The following UBE2Q2 variants were observed in gnomAD, a reference collection of about 807,000 sequenced individuals.
UBE2Q2 encodes the protein ubiquitin-conjugating enzyme E2 Q2.
UBE2Q2 carries 54 observed loss-of-function variants against 59.9 expected under a neutral mutation model. The ratio of observed to expected loss-of-function variants is 0.90; its 90% CI spans 0.72 to 1.13. UBE2Q2 has a LOEUF of 1.13. UBE2Q2 is among the 50% of genes most tolerant of loss of function. The pLI is 0.00. For missense variants in UBE2Q2, 433 were observed against 441.9 expected, an observed-to-expected ratio of 0.98 and a Z score of 0.18; for synonymous variants, 165 against 155.2, an observed-to-expected ratio of 1.06 and a Z score of -0.47.
chr15:75,847,546 A>G (rs1361567436), intron 1 of UBE2Q2, among the ~76,000 whole-genome samples: 5 of 152,206 alleles, frequency 3.3e-5, no homozygotes, highest in African/African-American at 7.2e-5. Context: ...AAGCCATGAT[A>G]TGAAAGATTG....
rs1897200139 is a variant in UBE2Q2, at chr15:75,861,340, G to A, written c.387+1358G>A. Among the ~76,000 whole-genome samples the A allele has an allele frequency of 2.0e-5, 3 of 152,200 alleles. No homozygotes were observed. The South Asian group carries it at 6.2e-4, about 32-fold the overall frequency. ...ACCAGTCGTGGTGGTGAAGCCTCAT[G>A]GCATTCTGAGTTTCAGTCATTTATG... On this transcript the variant is annotated intron_variant, in intron 3 of 12. Coordinates refer to ENST00000267938, the MANE Select transcript of UBE2Q2 (RefSeq NM_173469.4).
In UBE2Q2 at chr15:75,899,619, A is replaced by ATCT. The variant is rs1899647236; in HGVS notation, c.*161_*162insTCT. ...TCATCTGACATCCAGTATAAGTTAC[A>ATCT]GCCTTTGCATTTTGCTCATTTTAGA... On this transcript the variant is annotated 3_prime_UTR_variant, in exon 13 of 13. Coordinates refer to ENST00000267938, the MANE Select transcript of UBE2Q2 (RefSeq NM_173469.4). 1.8e-6 allele frequency: 1 copy of ATCT among 553,908 alleles called. No individual in the cohort carries two copies. Among genetic ancestry groups the ATCT allele is most frequent in the African/African-American group, 2.0e-5 (1 of 50,410 alleles). 34.3% of individuals were successfully genotyped at this position (553,908 alleles called of 1,614,324 possible).
intron 11 of UBE2Q2, among the ~76,000 whole-genome samples, chr15:75,895,759 C>T (rs978379315): frequency 1.9e-4 from 29 of 151,992 alleles, no homozygotes; most frequent in African/African-American, 6.3e-4. Context: ...GAGGCTGCAT[C>T]GAGGCACTCT....
At chr15:75,871,476 G>T (rs1897787347) in intron 4 of UBE2Q2, among the ~76,000 whole-genome samples, 1 of 152,232 alleles carries the variant, frequency 6.6e-6, no homozygotes, top group African/African-American at 2.4e-5. Context: ...CACATGGGGA[G>T]ATACCTTAGA....
chr15:75,845,792 A>G (rs1377245425), intron 1 of UBE2Q2, among the ~76,000 whole-genome samples: 3 of 152,216 alleles, frequency 2.0e-5, no homozygotes, highest in Admixed American at 6.5e-5. Context: ...CTGGTGCCCC[A>G]TCGAGAACCA....
At chr15:75,851,341 T>C (rs909592933) in intron 1 of UBE2Q2, among the ~76,000 whole-genome samples, 6 of 152,192 alleles carry the variant, frequency 3.9e-5, no homozygotes, top group South Asian at 4.2e-4. Context: ...TGGTCTTTCT[T>C]GAACTTTGGA....
chr15:75,854,005 T>G (rs912139340), intron 1 of UBE2Q2, among the ~76,000 whole-genome samples: 39 of 152,188 alleles, frequency 2.6e-4, no homozygotes, highest in African/African-American at 8.9e-4. Flanking sequence ...CATCATAGTC[T>G]CTTTGTAGCC....
In UBE2Q2 at chr15:75,872,593, G is replaced by GT. The variant is rs983385870; in HGVS notation, c.448-834dup. On this transcript the variant is annotated intron_variant, in intron 4 of 12. Coordinates refer to ENST00000267938, the MANE Select transcript of UBE2Q2 (RefSeq NM_173469.4). ...GCTCTGTCACCCAGGCTGGAGTACA[G>GT]TAGCATGATCATAGCTCACTGCAGC... Among the ~76,000 whole-genome samples the GT allele has an allele frequency of 1.3e-3, 176 of 136,806 alleles. 1 individual carries two copies. Among genetic ancestry groups the GT allele is most frequent in the African/African-American group, 4.5e-3 (164 of 36,262 alleles). 89.8% of individuals were successfully genotyped at this position (136,806 alleles called of 152,430 possible).
chr15:75,847,004 G>A (rs983897144), intron 1 of UBE2Q2, among the ~76,000 whole-genome samples: 1 of 151,876 alleles, frequency 6.6e-6, no homozygotes, highest in African/African-American at 2.4e-5. Context: ...GGCTCTTCTG[G>A]GTCATATTTA....
At chr15:75,855,236 A>T (rs1896841375) in intron 2 of UBE2Q2, among the ~76,000 whole-genome samples, 1 of 152,180 alleles carries the variant, frequency 6.6e-6, no homozygotes, top group South Asian at 2.1e-4. Context: ...CACGCCTGTA[A>T]TCTCAGCACT....
Position 75,899,512 on chromosome 15 carries a change from A to T in UBE2Q2, c.*54A>T. 1 of 1,467,124 alleles carries T rather than the reference A, an allele frequency of 6.8e-7. No individual in the cohort carries two copies. Among genetic ancestry groups the T allele is most frequent in the Non-Finnish European group, 9.3e-7 (1 of 1,071,208 alleles). 90.9% of individuals were successfully genotyped at this position (1,467,124 alleles called of 1,614,324 possible). On this transcript the variant is annotated 3_prime_UTR_variant, in exon 13 of 13. Transcript: ENST00000267938. ...ATGTTGCTTTAAAGAAAATCTTTCT[A>T]ACATGCAGACAAAAGCTTTGAGTGC... is the stretch of plus-strand genomic sequence containing the variant.
chr15:75,880,946 T>G (rs193041443), intron 8 of UBE2Q2, among the ~76,000 whole-genome samples: 1 of 152,346 alleles, frequency 6.6e-6, no homozygotes, highest in East Asian at 1.9e-4. Flanking sequence ...TGGGGATATA[T>G]CTTATGATTG....
intron 10 of UBE2Q2, 92 bp from the exon 11 acceptor site, chr15:75,890,827 G>A: frequency 9.7e-7 from 1 of 1,026,710 alleles, no homozygotes; most frequent in Non-Finnish European, 1.5e-6. Context: ...ACACTGATTT[G>A]CTGCTGTTGA....
intron 1 of UBE2Q2, chr15:75,844,492 T>G (rs985355245): frequency 8.4e-6 from 13 of 1,551,026 alleles, no homozygotes; most frequent in Middle Eastern, 1.7e-4. Context: ...GCAGGTGGTG[T>G]TGAGTGTGTA....
rs766647378 is a variant in UBE2Q2, at chr15:75,844,418, CCT to C, written c.180+576_180+577del. ...AGACTCTGGTGCTGTTTGAGCGACC[CCT>C]CTCCCCCGGGCCTGGCTGCGCGCTG... On this transcript the variant is annotated intron_variant, in intron 1 of 12. Coordinates refer to ENST00000267938, the MANE Select transcript of UBE2Q2 (RefSeq NM_173469.4). The C allele has an allele frequency of 3.2e-6, 5 of 1,551,604 alleles. No homozygotes were observed. In the South Asian group the frequency reaches 5.9e-5, roughly 18 times the overall value.
intron 2 of UBE2Q2, among the ~76,000 whole-genome samples, chr15:75,855,326 G>A (rs1026456559): frequency 3.9e-5 from 6 of 151,932 alleles, no homozygotes; most frequent in Admixed American, 2.0e-4. Flanking sequence ...CCCTGTCTCT[G>A]CTAAACATAT....
At chr15:75,871,742 C>T (rs1897807243) in intron 4 of UBE2Q2, among the ~76,000 whole-genome samples, 1 of 152,168 alleles carries the variant, frequency 6.6e-6, no homozygotes, top group Non-Finnish European at 1.5e-5. Context: ...TTTCTTAGTA[C>T]AGAACAAAAT....
intron 11 of UBE2Q2, among the ~76,000 whole-genome samples, 154 bp downstream of exon 11, chr15:75,891,168 G>A (rs1203608814): frequency 1.3e-5 from 2 of 152,012 alleles, no homozygotes; most frequent in Non-Finnish European, 2.9e-5. Context: ...TAGAAAATAT[G>A]GAATTATAAG....
intron 11 of UBE2Q2, among the ~76,000 whole-genome samples, chr15:75,894,375 T>C (rs1055799820): frequency 2.0e-5 from 3 of 152,112 alleles, no homozygotes; most frequent in Admixed American, 2.0e-4. Flanking sequence ...CGAGACCACC[T>C]TGGGCAACAT....
Sources: gnomAD v4.1 joint callset for allele counts (sites outside exome capture counted in the v4.1 genomes callset) on GRCh38, gnomAD v4.1.1 for gene constraint, MANE v1.5 for transcripts, NCBI Gene and HGNC (gene_info 2026-07-23, HGNC 2026-07-21) for gene names.